CNTNAP2: variants seen among roughly 807,000 people sequenced by gnomAD.
CNTNAP2 encodes contactin-associated protein-like 2.
A neutral mutation model predicts 155.2 loss-of-function variants in CNTNAP2; 98 were observed. That is an observed-to-expected ratio of 0.63 (90% CI 0.54 to 0.75). The LOEUF (loss-of-function observed/expected upper bound fraction) is 0.75. Ranked by LOEUF, CNTNAP2 falls within the 30% of genes least tolerant of loss-of-function variation. The pLI is 0.00. For synonymous variants in CNTNAP2, 651 were observed against 631.2 expected (o/e 1.03, Z -0.47); for missense variants, 1,727 against 1,688.1 (o/e 1.02, Z -0.40).
chr7:146,851,481 C>A (rs1004424016), intron 3 of CNTNAP2, among the ~76,000 whole-genome samples: 15 of 152,028 alleles, frequency 9.9e-5, no homozygotes, highest in Admixed American at 4.6e-4. Context: ...GTGGCTCAAA[C>A]AACAGAAATT....
intron 17 of CNTNAP2, among the ~76,000 whole-genome samples, chr7:148,149,347 A>T (rs909941788): frequency 6.6e-6 from 1 of 152,204 alleles, no homozygotes; most frequent in Non-Finnish European, 1.5e-5. Flanking sequence ...ACTTAAGAAA[A>T]GAGCAAGGGC....
chr7:146,643,744 C>T (rs1346656399), intron 1 of CNTNAP2, among the ~76,000 whole-genome samples: 1 of 152,112 alleles, frequency 6.6e-6, no homozygotes, highest in Non-Finnish European at 1.5e-5. Flanking sequence ...CTATAAATTA[C>T]CTTGGGCAGT....
intron 10 of CNTNAP2, among the ~76,000 whole-genome samples, chr7:147,396,089 G>T (rs555846024): frequency 1.4e-5 from 2 of 145,872 alleles, no homozygotes; most frequent in African/African-American, 5.0e-5. Flanking sequence ...TATATATGTA[G>T]CATATATATG....
At chr7:148,203,564 G>C (rs1472175688) in intron 18 of CNTNAP2, among the ~76,000 whole-genome samples, 1 of 152,100 alleles carries the variant, frequency 6.6e-6, no homozygotes, top group Non-Finnish European at 1.5e-5. Context: ...GGCCAACAAG[G>C]TGAAATTCTG....
chr7:146,192,008 G>A (rs192920842), intron 1 of CNTNAP2, among the ~76,000 whole-genome samples: 1 of 152,266 alleles, frequency 6.6e-6, no homozygotes, highest in African/African-American at 2.4e-5. Flanking sequence ...AGTATTGACT[G>A]GGGAAGTGAT....
chr7:146,163,786 G>T (rs1173253801), intron 1 of CNTNAP2, among the ~76,000 whole-genome samples: 13 of 151,744 alleles, frequency 8.6e-5, no homozygotes, highest in Non-Finnish European at 8.8e-5. Flanking sequence ...TAAGGAAGAG[G>T]GCAGACAAAA....
intron 1 of CNTNAP2, among the ~76,000 whole-genome samples, chr7:146,598,407 A>T (rs1361354150): frequency 6.6e-6 from 1 of 151,548 alleles, no homozygotes; most frequent in Admixed American, 6.6e-5. Context: ...TCTCCTGGAG[A>T]GTTATTTTTT....
chr7:147,046,825 C>T (rs1003166379), intron 4 of CNTNAP2, among the ~76,000 whole-genome samples: 4 of 151,828 alleles, frequency 2.6e-5, no homozygotes, highest in Admixed American at 1.3e-4. Flanking sequence ...GTCAGGAGAT[C>T]GAGACCATCC....
chr7:148,257,922 AACACACACACAC>A lies in CNTNAP2; in HGVS notation c.3382-9097_3382-9086del, dbSNP rs59515015. Among the ~76,000 whole-genome samples, 118 of 138,754 alleles carry A rather than the reference AACACACACACAC, an allele frequency of 8.5e-4. 4 individuals carry two copies. The East Asian group carries it at 0.02, about 24-fold the overall frequency. 91.0% of individuals were successfully genotyped at this position (138,754 alleles called of 152,430 possible). A position where few individuals can be genotyped will look rare whatever the true frequency, so the allele number is the denominator to read the frequency against. On this transcript the variant is annotated intron_variant, in intron 20 of 23. Transcript: ENST00000361727. The stretch of plus-strand genomic sequence containing the variant: ...GTAAAAGCTAGGAATCCACACCTTA[AACACACACACAC>A]ACACACACACACAGACAGATTTACA...
chr7:148,016,659 A>G (rs1169983934), intron 15 of CNTNAP2, among the ~76,000 whole-genome samples: 1 of 152,168 alleles, frequency 6.6e-6, no homozygotes. Flanking sequence ...AAATACAGAG[A>G]AGTTTAAAGA....
At chr7:148,150,275 G>A (rs780718835) in intron 17 of CNTNAP2, among the ~76,000 whole-genome samples, 10 of 151,822 alleles carry the variant, frequency 6.6e-5, no homozygotes, top group South Asian at 2.1e-4. Flanking sequence ...AGGGCTGGGC[G>A]CAGTGGCTCA....
chr7:146,603,896 C>T (rs4726803), intron 1 of CNTNAP2, among the ~76,000 whole-genome samples: 6 of 141,672 alleles, frequency 4.2e-5, no homozygotes, highest in African/African-American at 1.6e-4. Flanking sequence ...CTGGATCCCT[C>T]CCTTACACCT....
intron 17 of CNTNAP2, among the ~76,000 whole-genome samples, chr7:148,159,707 C>A (rs1192556235): frequency 1.3e-5 from 2 of 152,102 alleles, no homozygotes; most frequent in Non-Finnish European, 2.9e-5. Flanking sequence ...TATGTGTGTA[C>A]CTAATTTCAC....
rs1563203863 is a variant in CNTNAP2, at chr7:146,721,643, CTATATAT to C, written c.98-52627_98-52621del. 6.3e-3 allele frequency among the ~76,000 whole-genome samples: 722 copies of C among 114,706 alleles called. 22 individuals carry two copies. The highest frequency in any genetic ancestry group is 0.018 in the Middle Eastern group (2 of 110). 75.3% of individuals were successfully genotyped at this position (114,706 alleles called of 152,430 possible). ...ATTCTATATACATTCTATATATATT[CTATATAT>C]ATTCTATATACATTCTATATATATA... On this transcript the variant is annotated intron_variant, in intron 1 of 23. Transcript: ENST00000361727.
chr7:146,999,823 A>T (rs1167909878), intron 3 of CNTNAP2, among the ~76,000 whole-genome samples: 1 of 151,798 alleles, frequency 6.6e-6, no homozygotes, highest in East Asian at 1.9e-4. Context: ...TTTTTCTTTG[A>T]TTTTGACAGT....
intron 1 of CNTNAP2, among the ~76,000 whole-genome samples, chr7:146,437,988 G>T (rs1428211124): frequency 6.6e-6 from 1 of 151,308 alleles, no homozygotes; most frequent in Non-Finnish European, 1.5e-5. Flanking sequence ...TTAGCCAGGG[G>T]TTGTTATGGA....
intron 22 of CNTNAP2, among the ~76,000 whole-genome samples, chr7:148,388,285 C>A: frequency 9.2e-6 from 1 of 109,222 alleles, no homozygotes; most frequent in Non-Finnish European, 1.8e-5. Context: ...CCAGTGCTAT[C>A]CCTCCCCCCT....
At chr7:148,265,147 G>A (rs771557085) in intron 20 of CNTNAP2, among the ~76,000 whole-genome samples, 2 of 152,224 alleles carry the variant, frequency 1.3e-5, no homozygotes, top group African/African-American at 4.8e-5. Flanking sequence ...TTACCCATGG[G>A]TGTCATTAGA....
At position 146,326,903 on chromosome 7, in the gene CNTNAP2, A is replaced by G. The variant is rs536959318; in HGVS notation, c.97+209930A>G. Among the ~76,000 whole-genome samples the G allele has an allele frequency of 3.9e-5, 6 of 152,288 alleles. No homozygotes were observed. The South Asian group carries it at 6.2e-4, about 16-fold the overall frequency. On this transcript the variant is annotated intron_variant, in intron 1 of 23. Coordinates refer to ENST00000361727, the MANE Select transcript of CNTNAP2 (RefSeq NM_014141.6). ...TTCACATTTCATTTATTATATTTTT[A>G]TGTCAATTATGTCGAAGAAAATATT...
Sources: gnomAD v4.1 joint callset for allele counts (sites outside exome capture counted in the v4.1 genomes callset) on GRCh38, gnomAD v4.1.1 for gene constraint, MANE v1.5 for transcripts, NCBI Gene and HGNC (gene_info 2026-07-23, HGNC 2026-07-21) for gene names.